The following PDE6G variants were observed in gnomAD, a reference collection of about 807,000 sequenced individuals.
The protein encoded by PDE6G is phosphodiesterase 6G.
PDE6G carries 10 observed loss-of-function variants against 10.9 expected under a neutral mutation model. The observed-to-expected ratio is 0.91, with a 90% CI of 0.56 to 1.55. PDE6G has a LOEUF of 1.55. Among genes scored for constraint, PDE6G ranks in the 40% most tolerant of loss-of-function variants. The pLI, the probability that PDE6G is intolerant of heterozygous loss-of-function variation, is 0.00. For missense variants in PDE6G, 102 were observed against 110.1 expected, an observed-to-expected ratio of 0.93 and a Z score of 0.33; for synonymous variants, 41 against 42.8, an observed-to-expected ratio of 0.96 and a Z score of 0.16.
upstream of PDE6G, among the ~76,000 whole-genome samples, chr17:81,660,856 G>A (rs192558651): frequency 1.3e-5 from 2 of 152,162 alleles, no homozygotes; most frequent in Admixed American, 1.3e-4. Context: ...AGCAGATTCT[G>A]TGTGCTGCCC....
upstream of PDE6G, among the ~76,000 whole-genome samples, chr17:81,660,240 T>C (rs2144413572): frequency 6.6e-6 from 1 of 151,918 alleles, no homozygotes; most frequent in Non-Finnish European, 1.5e-5. Flanking sequence ...GGCGAAACCC[T>C]GTCTCTACTA....
chr17:81,651,275 C>G lies in PDE6G; in HGVS notation c.188-125G>C, dbSNP rs527665940. On this transcript the variant is annotated intron_variant, in intron 3 of 3. Transcript: ENST00000331056. This position sits in a 1 kb window ranked among gnomAD's most constrained non-coding sequence, Gnocchi z 4.8. ...AGTGTGCTGAGCGGGGACGTGCGGACGCTGGAGTGGGGCCCTCCTCTGGGG... is the reference window on the plus strand; with the variant it reads ...AGTGTGCTGAGCGGGGACGTGCGGAGGCTGGAGTGGGGCCCTCCTCTGGGG... 2 of 744,448 alleles carry G rather than the reference C, an allele frequency of 2.7e-6. No homozygotes were observed. Among genetic ancestry groups the G allele is most frequent in the East Asian group, 2.7e-5 (1 of 37,296 alleles). The allele number at this position is 744,448 out of a possible 1,614,324, so 46.1% of individuals were successfully genotyped here. A position where few individuals can be genotyped will look rare whatever the true frequency, so the allele number is the denominator to read the frequency against.
chr17:81,659,918 C>T (rs2036494653), upstream of PDE6G, among the ~76,000 whole-genome samples: 1 of 152,044 alleles, frequency 6.6e-6, no homozygotes, highest in Admixed American at 6.6e-5. Flanking sequence ...GAAGACCTGT[C>T]TCTACAAAAA....
chr17:81,651,139 T>A lies in PDE6G; in HGVS notation c.199A>T (p.Ile67Phe). 6.2e-7 allele frequency: 1 copy of A among 1,613,234 alleles called. No homozygotes were observed. Among genetic ancestry groups the A allele is most frequent in the Non-Finnish European group, 8.5e-7 (1 of 1,179,210 alleles). The change falls in exon 4 of 4, where the codon ATC becomes TTC. Residue 67 changes from isoleucine (I) to phenylalanine (F), a missense_variant. By Grantham distance (21) the Ile-to-Phe change is conservative (BLOSUM62 0). Transcript: ENST00000331056. The surrounding 1 kb of genome is among the most constrained non-coding windows in gnomAD (Gnocchi z 4.8). ...TGGTTGAAGGCCTCCCAAGGGCAGATGACTGTGATGTCTGTGGGAGAAACG... is the reference window on the plus strand; with the variant it reads ...TGGTTGAAGGCCTCCCAAGGGCAGAAGACTGTGATGTCTGTGGGAGAAACG... ...MEGLGTDITV[I>F]CPWEAFNHLE...
rs562951520 is a variant in PDE6G at position 81,650,829 on chromosome 17, G to T, written c.*245C>A. ...AAGCCTCTCTGTGGGCAGGACTGAGGGGTGGGCCTGTATCTCCAGATGTTG... is the reference window on the plus strand; with the variant it reads ...AAGCCTCTCTGTGGGCAGGACTGAGTGGTGGGCCTGTATCTCCAGATGTTG... On this transcript the variant is annotated 3_prime_UTR_variant, in exon 4 of 4. Coordinates refer to ENST00000331056, the MANE Select transcript of PDE6G (RefSeq NM_002602.4). 2 of 602,016 alleles carry T rather than the reference G, an allele frequency of 3.3e-6. No homozygotes were observed. Among genetic ancestry groups the T allele is most frequent in the East Asian group, 3.4e-5 (1 of 29,128 alleles). 37.3% of individuals were successfully genotyped at this position (602,016 alleles called of 1,614,324 possible). A position where few individuals can be genotyped will look rare whatever the true frequency, so the allele number is the denominator to read the frequency against.
At chr17:81,660,664 G>C, upstream of PDE6G, among the ~76,000 whole-genome samples, 1 of 152,086 alleles carries the variant, frequency 6.6e-6, no homozygotes, top group East Asian at 1.9e-4. Flanking sequence ...GCTAATTTTT[G>C]TATTTTTTGT....
chr17:81,653,062 A>C lies in PDE6G; in HGVS notation c.146+98T>G. 2 of 1,357,538 alleles carry C rather than the reference A, an allele frequency of 1.5e-6. No individual in the cohort carries two copies. The highest frequency in any genetic ancestry group is 2.1e-6 in the Non-Finnish European group (2 of 951,974). 84.1% of individuals were successfully genotyped at this position (1,357,538 alleles called of 1,614,324 possible). A position where few individuals can be genotyped will look rare whatever the true frequency, so the allele number is the denominator to read the frequency against. ...GCTGTGAGGCTGGGACCACTCACCC[A>C]GTGAAGTGGCCCCAGGCTCTGCCCC... On this transcript the variant is annotated intron_variant, in intron 2 of 3. Transcript: ENST00000331056. The surrounding 1 kb of genome is among the most constrained non-coding windows in gnomAD (Gnocchi z 5.2).
Position 81,653,244 on chromosome 17 carries a change from A to G in PDE6G, c.62T>C (p.Val21Ala), listed in dbSNP as rs1686310238. The G allele has an allele frequency of 6.2e-7, 1 of 1,613,852 alleles. No homozygotes were observed. Among genetic ancestry groups the G allele is most frequent in the Non-Finnish European group, 8.5e-7 (1 of 1,179,950 alleles). ...TTTAGGGGGCCCTTTCCTGGGGGTG[A>G]CAGGTCCCCCGGCCACCCTGGTGGC... ...RSATRVAGGP[V>A]TPRKGPPKFK... The change falls in exon 2 of 4, where the codon GTC (valine) becomes GCC (alanine). Residue 21 changes from valine to alanine, a missense_variant. Val to Ala is a moderately conservative substitution (Grantham distance 64). Transcript: ENST00000331056. The surrounding 1 kb of genome is among the most constrained non-coding windows in gnomAD (Gnocchi z 5.2).
upstream of PDE6G, among the ~76,000 whole-genome samples, chr17:81,661,162 G>T (rs1275842396): frequency 6.6e-6 from 1 of 152,156 alleles, no homozygotes; most frequent in Non-Finnish European, 1.5e-5. Context: ...CAAGGCAGGA[G>T]CCCAGGAGTT....
At chr17:81,652,194 A>C (rs1252143936) in intron 2 of PDE6G, among the ~76,000 whole-genome samples, 2 of 151,418 alleles carry the variant, frequency 1.3e-5, no homozygotes, top group Non-Finnish European at 2.9e-5. Flanking sequence ...CACTGATGGG[A>C]GCGAGATGCC....
Position 81,651,781 on chromosome 17 carries a change from G to A in PDE6G, c.147-96C>T, listed in dbSNP as rs564094328. 3.4e-4 allele frequency: 461 copies of A among 1,373,468 alleles called. 6 individuals are homozygous for A. In the South Asian group the frequency reaches 5.3e-3, roughly 16 times the overall value. The allele number at this position is 1,373,468 out of a possible 1,614,324, so 85.1% of individuals were successfully genotyped here. A position where few individuals can be genotyped will look rare whatever the true frequency, so the allele number is the denominator to read the frequency against. ...ATCTCTAGCCTTCCTAGGAGATGAGGTGTTTGGCTGGGAGCCCAGTGGGCA... is the reference window on the plus strand; with the variant it reads ...ATCTCTAGCCTTCCTAGGAGATGAGATGTTTGGCTGGGAGCCCAGTGGGCA... On this transcript the variant is annotated intron_variant, in intron 2 of 3. Coordinates refer to ENST00000331056, the MANE Select transcript of PDE6G (RefSeq NM_002602.4). The surrounding 1 kb of genome is among the most constrained non-coding windows in gnomAD (Gnocchi z 4.8).
chr17:81,653,249 T>A lies in PDE6G; in HGVS notation c.57A>T (p.Gly19=), dbSNP rs1335187265. The part of the protein sequence containing the change: ...EFRSATRVAG[G]PVTPRKGPPK... ...GGGGCCCTTTCCTGGGGGTGACAGG[T>A]CCCCCGGCCACCCTGGTGGCTGACC... The change falls in exon 2 of 4, where the codon GGA becomes GGT. Residue 19 remains glycine (G), a synonymous_variant. Transcript: ENST00000331056. This position sits in a 1 kb window ranked among gnomAD's most constrained non-coding sequence, Gnocchi z 5.2. 1 of 1,613,806 alleles carries A rather than the reference T, an allele frequency of 6.2e-7. No homozygotes were observed. Among genetic ancestry groups the A allele is most frequent in the Non-Finnish European group, 8.5e-7 (1 of 1,179,896 alleles).
chr17:81,651,708 G>T lies in PDE6G; in HGVS notation c.147-23C>A, dbSNP rs776823448. ...AACCTGCAAGGACAGAGCACTCAGG[G>T]ACATGGCCGGGCCCAGTCCTGGCTC... On this transcript the variant is annotated intron_variant, in intron 2 of 3. Coordinates refer to ENST00000331056, the MANE Select transcript of PDE6G (RefSeq NM_002602.4). This position sits in a 1 kb window ranked among gnomAD's most constrained non-coding sequence, Gnocchi z 4.8. The T allele has an allele frequency of 6.2e-7, 1 of 1,613,394 alleles. No homozygotes were observed. The highest frequency in any genetic ancestry group is 8.5e-7 in the Non-Finnish European group (1 of 1,179,556).
At chr17:81,656,738 G>C, upstream of PDE6G, 1 of 664,516 alleles carries the variant, frequency 1.5e-6, no homozygotes, top group African/African-American at 1.8e-5. Context: ...GACAGGGAGA[G>C]AAGTGTGACC....
intron 1 of PDE6G, among the ~76,000 whole-genome samples, chr17:81,661,803 T>A (rs1165517887): frequency 7.1e-6 from 1 of 140,254 alleles, no homozygotes; most frequent in African/African-American, 2.7e-5. Context: ...GAGGTTGCAG[T>A]GAGCCCGAGA....
intron 2 of PDE6G, among the ~76,000 whole-genome samples, chr17:81,652,795 A>C: frequency 7.4e-6 from 1 of 135,478 alleles, no homozygotes; most frequent in African/African-American, 2.9e-5. Flanking sequence ...GCTGGTCTCA[A>C]ACTCGCGATC....
chr17:81,658,939 A>G (rs1478815666), upstream of PDE6G, among the ~76,000 whole-genome samples: 2 of 152,174 alleles, frequency 1.3e-5, no homozygotes, highest in African/African-American at 4.8e-5. Context: ...AGACAATCAC[A>G]TGAAAATACA....
At chr17:81,656,639 G>C (rs1044383412), upstream of PDE6G, 34 of 707,776 alleles carry the variant, frequency 4.8e-5, 1 homozygote, top group Admixed American at 6.8e-4. Context: ...CCCGAGGGGG[G>C]GCACAACCAC....
intron 1 of PDE6G, among the ~76,000 whole-genome samples, chr17:81,662,173 T>C (rs2036518405): frequency 1.3e-5 from 2 of 152,116 alleles, no homozygotes; most frequent in African/African-American, 2.4e-5. Context: ...AAAAGCAACA[T>C]GTGTCCACGT....
Sources: gnomAD v4.1 joint callset for allele counts (sites outside exome capture counted in the v4.1 genomes callset) on GRCh38, gnomAD v4.1.1 for gene constraint, Gnocchi (gnomAD v3.1) non-coding constraint, MANE v1.5 for transcripts, NCBI Gene and HGNC (gene_info 2026-07-23, HGNC 2026-07-21) for gene names.